The following TNRC6A variants were observed in gnomAD, a reference collection of about 807,000 sequenced individuals.
The protein encoded by TNRC6A is trinucleotide repeat-containing gene 6A protein.
In TNRC6A, 44 loss-of-function variants were observed where a neutral mutation model predicts 221.2. The ratio of observed to expected loss-of-function variants is 0.20; its 90% CI spans 0.16 to 0.26. The LOEUF is 0.26. Among genes scored for constraint, TNRC6A ranks in the 10% least tolerant of loss-of-function variants. TNRC6A has a pLI of 1.00. For missense variants in TNRC6A, 2,199 were observed against 2,404.4 expected (o/e 0.91, Z 1.79); for synonymous variants, 847 against 838.5 (o/e 1.01, Z -0.18).
intron 1 of TNRC6A, among the ~76,000 whole-genome samples, chr16:24,629,399 T>C (rs1007808978): frequency 6.6e-6 from 1 of 152,240 alleles, no homozygotes; most frequent in African/African-American, 2.4e-5. Context: ...AATCCAGAAA[T>C]TTTTAAACAT....
chr16:24,703,479 G>A (rs991474238), intron 2 of TNRC6A, among the ~76,000 whole-genome samples: 1 of 152,142 alleles, frequency 6.6e-6, no homozygotes, highest in African/African-American at 2.4e-5. Flanking sequence ...TCAGGAGGCC[G>A]AGGTAAGAGG....
intron 5 of TNRC6A, among the ~76,000 whole-genome samples, chr16:24,780,599 A>C (rs988563481): frequency 6.6e-6 from 1 of 152,172 alleles, no homozygotes; most frequent in African/African-American, 2.4e-5. Flanking sequence ...GTGAGATATA[A>C]AGATTTACAT....
chr16:24,819,884 G>C (rs2058733336), intron 21 of TNRC6A: 4 of 521,840 alleles, frequency 7.7e-6, no homozygotes, highest in Non-Finnish European at 1.4e-5. Context: ...TTTGAGTACA[G>C]TTTTGGACAC....
chr16:24,738,339 A>G lies in TNRC6A; in HGVS notation c.53+8039A>G, dbSNP rs546344783. The stretch of plus-strand genomic sequence containing the variant: ...CACCCTTTTAAAGTCCACAAAGTGT[A>G]TGATTTAATGGTTTTTAGTATATTC... On this transcript the variant is annotated intron_variant, in intron 2 of 24. Coordinates refer to ENST00000395799, the MANE Select transcript of TNRC6A (RefSeq NM_014494.4). Among the ~76,000 whole-genome samples the G allele has an allele frequency of 2.0e-5, 3 of 152,340 alleles. No homozygotes were observed. In the East Asian group the frequency reaches 5.8e-4, roughly 29 times the overall value.
At chr16:24,792,509 A>C (rs554715540) in intron 6 of TNRC6A, among the ~76,000 whole-genome samples, 1 of 151,052 alleles carries the variant, frequency 6.6e-6, no homozygotes, top group African/African-American at 2.4e-5. Context: ...TTTTAGTCTA[A>C]GTATAGTTTG....
intron 2 of TNRC6A, among the ~76,000 whole-genome samples, chr16:24,719,539 A>G (rs1239856125): frequency 1.3e-5 from 2 of 152,134 alleles, no homozygotes; most frequent in African/African-American, 4.8e-5. Context: ...AGGTCCCTGT[A>G]ATGCCAGCTA....
intron 1 of TNRC6A, among the ~76,000 whole-genome samples, chr16:24,634,486 C>T (rs1901523237): frequency 1.3e-5 from 2 of 151,492 alleles, no homozygotes; most frequent in African/African-American, 4.9e-5. Context: ...AAGTGTTTCA[C>T]ACACCTTAAA....
At chr16:24,753,137 G>C (rs961768885) in intron 3 of TNRC6A, among the ~76,000 whole-genome samples, 3 of 152,178 alleles carry the variant, frequency 2.0e-5, no homozygotes, top group Non-Finnish European at 4.4e-5. Flanking sequence ...AAATAAGCCT[G>C]TAACACATGA....
chr16:24,675,471 AG>A (rs2055389893), intron 2 of TNRC6A, among the ~76,000 whole-genome samples: 1 of 151,852 alleles, frequency 6.6e-6, no homozygotes, highest in South Asian at 2.1e-4. Flanking sequence ...ACCTGAAGTC[AG>A]GAGTTCAAGA....
At chr16:24,740,371 G>A (rs1458341356) in intron 2 of TNRC6A, among the ~76,000 whole-genome samples, 1 of 152,202 alleles carries the variant, frequency 6.6e-6, no homozygotes, top group Admixed American at 6.5e-5. Flanking sequence ...GATAGGAACA[G>A]TGTTGAATAT....
At chr16:24,739,420 C>T (rs1239288908) in intron 2 of TNRC6A, among the ~76,000 whole-genome samples, 1 of 151,396 alleles carries the variant, frequency 6.6e-6, no homozygotes, top group Non-Finnish European at 1.5e-5. Flanking sequence ...AGATACAAGT[C>T]CCTTATTAGA....
intron 2 of TNRC6A, among the ~76,000 whole-genome samples, chr16:24,705,685 G>A (rs2056081503): frequency 6.6e-6 from 1 of 152,100 alleles, no homozygotes; most frequent in Admixed American, 6.6e-5. Flanking sequence ...ACCTTTCTTA[G>A]AGACTACAAG....
intron 21 of TNRC6A, chr16:24,819,597 A>G (rs2058728152): frequency 1.3e-5 from 2 of 153,846 alleles, no homozygotes; most frequent in Admixed American, 1.3e-4. Context: ...CCATAAGCAA[A>G]TTACTTACCC....
intron 9 of TNRC6A, 42 bp from the exon 10 acceptor site, chr16:24,797,448 G>A (rs1186088534): frequency 1.4e-6 from 2 of 1,474,364 alleles, no homozygotes; most frequent in Admixed American, 1.9e-5. Flanking sequence ...CAGATAAACA[G>A]AGATGGCCAT....
At chr16:24,663,738 G>C (rs749584419) in intron 2 of TNRC6A, 1 of 352,252 alleles carries the variant, frequency 2.8e-6, no homozygotes, top group South Asian at 2.1e-5. Context: ...CTGAGCCTTA[G>C]TGTCCATGGC....
At chr16:24,783,312 A>G (rs934636137) in intron 5 of TNRC6A, among the ~76,000 whole-genome samples, 2 of 152,082 alleles carry the variant, frequency 1.3e-5, no homozygotes, top group African/African-American at 4.8e-5. Context: ...TATTTTTAGT[A>G]GAGATGGGAT....
At chr16:24,641,788 T>C (rs1035732262) in intron 2 of TNRC6A, among the ~76,000 whole-genome samples, 1 of 152,216 alleles carries the variant, frequency 6.6e-6, no homozygotes, top group East Asian at 1.9e-4. Context: ...GATGATTTTT[T>C]ATTGAGCATC....
At chr16:24,697,822 A>G (rs897775262) in intron 2 of TNRC6A, among the ~76,000 whole-genome samples, 7 of 152,008 alleles carry the variant, frequency 4.6e-5, no homozygotes, top group Admixed American at 3.9e-4. Flanking sequence ...CGGGTGGATC[A>G]CAAGGTCAAG....
rs371732609 is a variant in TNRC6A at position 24,776,961 on chromosome 16, C to T, written c.192C>T (p.Ser64=). 1.2e-6 allele frequency: 2 copies of T among 1,613,868 alleles called. No individual in the cohort carries two copies. Among genetic ancestry groups the T allele is most frequent in the African/African-American group, 2.7e-5 (2 of 74,888 alleles). Residue 64 remains serine, a synonymous_variant, in exon 5 of 25, where the codon AGC becomes AGT. Transcript: ENST00000395799. Reference sequence around the variant, plus strand: ...CAGAACAGATAAAGCCCAGTGTAAGCCAGCCTCAGCCTGCCAACTCTAATA... The same window carrying T: ...CAGAACAGATAAAGCCCAGTGTAAGTCAGCCTCAGCCTGCCAACTCTAATA... ...KVPEQIKPSV[S]QPQPANSNNG...
Sources: allele counts gnomAD v4.1 joint callset (sites outside exome capture counted in the v4.1 genomes callset), GRCh38; gene constraint gnomAD v4.1.1; transcripts MANE v1.5; gene names NCBI Gene and HGNC (gene_info 2026-07-23, HGNC 2026-07-21).